Variants in SMAP1 observed in about 807,000 individuals in gnomAD.
SMAP1 encodes small ArfGAP 1.
SMAP1 carries 24 observed loss-of-function variants against 58.5 expected under a neutral mutation model. The observed-to-expected ratio is 0.41, with a 90% CI of 0.30 to 0.58. The LOEUF (loss-of-function observed/expected upper bound fraction) is 0.58, where lower values mean the gene tolerates loss of function less well. Ranked by LOEUF, SMAP1 falls within the 20% of genes least tolerant of loss-of-function variation. The pLI, the probability that SMAP1 is intolerant of heterozygous loss-of-function variation, is 0.29. For synonymous variants in SMAP1, 216 were observed against 196.6 expected (o/e 1.10, Z -0.82); for missense variants, 563 against 566.3 (o/e 0.99, Z 0.06).
At chr6:70,776,231 G>A (rs947904162) in intron 4 of SMAP1, among the ~76,000 whole-genome samples, 4 of 151,874 alleles carry the variant, frequency 2.6e-5, no homozygotes, top group Non-Finnish European at 5.9e-5. Context: ...TTGCCAGACT[G>A]GAGTGCAGTG....
chr6:70,852,694 T>C lies in SMAP1; in HGVS notation c.789+30T>C, dbSNP rs750619553. The C allele has an allele frequency of 2.7e-6, 4 of 1,508,542 alleles. No homozygotes were observed. The African/African-American group carries it at 4.3e-5, about 16-fold the overall frequency. The allele number at this position is 1,508,542 out of a possible 1,614,324, so 93.4% of individuals were successfully genotyped here. A position where few individuals can be genotyped will look rare whatever the true frequency, so the allele number is the denominator to read the frequency against. On this transcript the variant is annotated intron_variant, in intron 8 of 10. Transcript: ENST00000370455. ...GTGATAAGAATATGGTTTTATATGG[T>C]CACTGCTTATTTCCTTTTTGAAAAG...
chr6:70,753,310 A>C (rs751177376), intron 2 of SMAP1, among the ~76,000 whole-genome samples: 2 of 152,150 alleles, frequency 1.3e-5, no homozygotes, highest in Non-Finnish European at 2.9e-5. Flanking sequence ...TAAAATTTCT[A>C]TATATTCTTG....
chr6:70,832,776 C>T (rs542639218), intron 6 of SMAP1, among the ~76,000 whole-genome samples: 1 of 152,288 alleles, frequency 6.6e-6, no homozygotes, highest in Non-Finnish European at 1.5e-5. Context: ...CTAACCTATG[C>T]CTGTGGTAAT....
intron 6 of SMAP1, among the ~76,000 whole-genome samples, chr6:70,803,037 G>T (rs970621866): frequency 1.3e-5 from 2 of 152,196 alleles, no homozygotes; most frequent in African/African-American, 4.8e-5. Flanking sequence ...AGTTAGGGAG[G>T]ATTCCCTCTT....
At chr6:70,841,168 G>T (rs1236760078) in intron 7 of SMAP1, among the ~76,000 whole-genome samples, 1 of 152,178 alleles carries the variant, frequency 6.6e-6, no homozygotes, top group Non-Finnish European at 1.5e-5. Flanking sequence ...CTTCAAGGGC[G>T]AGCACATGCT....
intron 3 of SMAP1, among the ~76,000 whole-genome samples, chr6:70,770,295 T>C (rs932608986): frequency 6.6e-6 from 1 of 152,132 alleles, no homozygotes; most frequent in East Asian, 1.9e-4. Context: ...AATGTTGGCC[T>C]TCCTTGCTAG....
intron 1 of SMAP1, among the ~76,000 whole-genome samples, chr6:70,695,054 G>C (rs957650920): frequency 1.3e-5 from 2 of 151,998 alleles, no homozygotes; most frequent in Non-Finnish European, 2.9e-5. Flanking sequence ...TGTAGCTGTC[G>C]TAATGGGATT....
chr6:70,700,394 G>T (rs1767580726), intron 1 of SMAP1, among the ~76,000 whole-genome samples: 1 of 152,170 alleles, frequency 6.6e-6, no homozygotes, highest in Non-Finnish European at 1.5e-5. Flanking sequence ...CATTTCCCAG[G>T]TTCAAGCGAT....
chr6:70,687,540 G>A (rs752878310), intron 1 of SMAP1, among the ~76,000 whole-genome samples: 11 of 151,738 alleles, frequency 7.2e-5, no homozygotes, highest in South Asian at 2.1e-4. Flanking sequence ...TTTTTTTGCC[G>A]CCATTTAGTT....
At chr6:70,793,563 A>G (rs907032598) in intron 5 of SMAP1, among the ~76,000 whole-genome samples, 3 of 150,964 alleles carry the variant, frequency 2.0e-5, no homozygotes, top group Admixed American at 1.3e-4. Context: ...GTATGAGGTC[A>G]CTGTGGAACA....
intron 2 of SMAP1, among the ~76,000 whole-genome samples, chr6:70,742,948 G>A (rs570676859): frequency 3.3e-5 from 5 of 152,158 alleles, no homozygotes; most frequent in South Asian, 2.1e-4. Context: ...GGGGAAAACC[G>A]CCCCCATGAT....
At chr6:70,734,556 G>C (rs1003044682) in intron 2 of SMAP1, 8 of 152,456 alleles carry the variant, frequency 5.2e-5, no homozygotes, top group Non-Finnish European at 1.2e-4. Flanking sequence ...CGGGTCCCGT[G>C]CTGGCCACAG....
intron 6 of SMAP1, among the ~76,000 whole-genome samples, chr6:70,832,514 A>G (rs935643652): frequency 6.6e-6 from 1 of 152,196 alleles, no homozygotes; most frequent in Non-Finnish European, 1.5e-5. Context: ...GGCAGTATCT[A>G]TGCAAAGATT....
At chr6:70,773,305 A>G in intron 3 of SMAP1, 45 bp from the exon 4 acceptor site, 1 of 1,191,076 alleles carries the variant, frequency 8.4e-7, no homozygotes, top group Admixed American at 2.0e-5. Context: ...AGGGAAGTGT[A>G]CATATCACTG....
intron 7 of SMAP1, among the ~76,000 whole-genome samples, chr6:70,845,970 T>C (rs1770972594): frequency 2.0e-5 from 3 of 152,112 alleles, no homozygotes; most frequent in Admixed American, 2.0e-4. Flanking sequence ...CAGATAGTTG[T>C]GTGGAAGCTG....
intron 6 of SMAP1, among the ~76,000 whole-genome samples, chr6:70,830,401 C>T (rs1039059837): frequency 6.6e-6 from 1 of 152,132 alleles, no homozygotes; most frequent in South Asian, 2.1e-4. Flanking sequence ...AAGATAATAG[C>T]ATTTTTATTC....
chr6:70,860,188 T>A lies in SMAP1; in HGVS notation c.1270-12T>A, dbSNP rs1242479708. ...TAAGCCTCTTGAACTAAGCCTTTTA[T>A]ATGTTTCACAGATGAATCAGCAGAT... On this transcript the variant is annotated splice_polypyrimidine_tract_variant and intron_variant, in intron 10 of 10. Transcript: ENST00000370455. 6.3e-7 allele frequency: 1 copy of A among 1,599,002 alleles called. No individual in the cohort carries two copies. Among genetic ancestry groups the A allele is most frequent in the African/African-American group, 1.3e-5 (1 of 74,312 alleles).
chr6:70,794,788 C>CTTTTTTTT (rs34050089), intron 5 of SMAP1, among the ~76,000 whole-genome samples: 2 of 114,986 alleles, frequency 1.7e-5, no homozygotes, highest in African/African-American at 3.5e-5. Context: ...ATTTTCTTTT[C>CTTTTTTTT]TTTTTTTTTT....
At chr6:70,668,403 C>T (rs6940971) in intron 1 of SMAP1, 83,173 of 1,011,426 alleles carry the variant, frequency 0.082, 8,656 homozygotes, top group East Asian at 0.5. Flanking sequence ...TGAGCAGGTG[C>T]CAGGGTAGCG....
Sources: allele counts gnomAD v4.1 joint callset (sites outside exome capture counted in the v4.1 genomes callset), GRCh38; gene constraint gnomAD v4.1.1; transcripts MANE v1.5; gene names NCBI Gene and HGNC (gene_info 2026-07-23, HGNC 2026-07-21).